Variants in DLG2 observed in about 807,000 individuals in gnomAD.
The protein encoded by DLG2 is discs large MAGUK scaffold protein 2.
In DLG2, 45 loss-of-function variants were observed where a neutral mutation model predicts 132.5. The observed-to-expected ratio is 0.34, with a 90% CI of 0.27 to 0.44. DLG2 has a LOEUF of 0.44. Among genes scored for constraint, DLG2 ranks in the 20% least tolerant of loss-of-function variants. The pLI is 1.00. For missense variants in DLG2, 1,045 were observed against 1,196.9 expected, an observed-to-expected ratio of 0.87 and a Z score of 1.87; for synonymous variants, 424 against 419.6, an observed-to-expected ratio of 1.01 and a Z score of -0.13.
At chr11:85,611,801 A>G (rs1292922864) in intron 2 of DLG2, among the ~76,000 whole-genome samples, 1 of 152,262 alleles carries the variant, frequency 6.6e-6, no homozygotes. Context: ...TCATGGAGTT[A>G]TTGCACTCAG....
chr11:84,267,061 A>G lies in DLG2; in HGVS notation c.520-15770T>C, dbSNP rs542647209. On this transcript the variant is annotated intron_variant, in intron 7 of 27. Coordinates refer to ENST00000376104, the MANE Select transcript of DLG2 (RefSeq NM_001142699.3). ...AGAGAAATAGGGACAAAGTCCCATG[A>G]CAGGCATGAAGAAAGGCAGGTGGGA... Among the ~76,000 whole-genome samples, 22 of 152,330 alleles carry G rather than the reference A, an allele frequency of 1.4e-4. No individual in the cohort carries two copies. In the East Asian group the frequency reaches 3.5e-3, roughly 24 times the overall value.
At chr11:83,475,514 G>A (rs1412332899) in intron 22 of DLG2, among the ~76,000 whole-genome samples, 1 of 147,818 alleles carries the variant, frequency 6.8e-6, no homozygotes, top group Admixed American at 6.7e-5. Flanking sequence ...CAACTCTTGT[G>A]GAGTATATTG....
chr11:85,028,565 AG>A (rs1222470488), intron 6 of DLG2, among the ~76,000 whole-genome samples: 2 of 151,850 alleles, frequency 1.3e-5, no homozygotes, highest in African/African-American at 2.4e-5. Flanking sequence ...CAAAGTCCAG[AG>A]GGGGGGCTGA....
At chr11:85,065,770 T>C (rs2064822822) in intron 6 of DLG2, among the ~76,000 whole-genome samples, 1 of 150,384 alleles carries the variant, frequency 6.6e-6, no homozygotes, top group Non-Finnish European at 1.5e-5. Flanking sequence ...ATTAAAGAAA[T>C]AAAAATAGAG....
chr11:83,493,113 T>TTTTCCTTGAATCCTTAAATTCAAGA (rs1170292457), intron 21 of DLG2, among the ~76,000 whole-genome samples: 1 of 152,096 alleles, frequency 6.6e-6, no homozygotes, highest in Non-Finnish European at 1.5e-5. Flanking sequence ...GCCTTGTTGC[T>TTTTCCTTGAATCCTTAAATTCAAGA]TTTCCTTGAA....
chr11:84,230,994 G>A (rs2097084893), intron 8 of DLG2, among the ~76,000 whole-genome samples: 2 of 152,192 alleles, frequency 1.3e-5, no homozygotes, highest in African/African-American at 4.8e-5. Flanking sequence ...AATATACATT[G>A]TCTTCTTCTC....
chr11:84,149,626 A>T (rs1431169197), intron 9 of DLG2, among the ~76,000 whole-genome samples: 1 of 152,050 alleles, frequency 6.6e-6, no homozygotes, highest in African/African-American at 2.4e-5. Flanking sequence ...TAGCCTTGTA[A>T]TGTAGTTGAA....
At chr11:84,603,561 G>A (rs1180314487) in intron 6 of DLG2, among the ~76,000 whole-genome samples, 2 of 151,868 alleles carry the variant, frequency 1.3e-5, no homozygotes, top group African/African-American at 4.8e-5. Flanking sequence ...ACAATTCTTA[G>A]GGGTCAACAA....
intron 3 of DLG2, chr11:85,452,565 A>C (rs2092284710): frequency 1.5e-5 from 3 of 200,918 alleles, no homozygotes; most frequent in South Asian, 2.3e-4. Context: ...CAACACCATA[A>C]CTAGAATGTA....
chr11:84,816,589 T>C (rs1165866850), intron 6 of DLG2, among the ~76,000 whole-genome samples: 1 of 151,958 alleles, frequency 6.6e-6, no homozygotes, highest in Non-Finnish European at 1.5e-5. Flanking sequence ...ACTATGTACC[T>C]TATATACAGA....
intron 6 of DLG2, among the ~76,000 whole-genome samples, chr11:84,550,472 G>A (rs2099399711): frequency 6.6e-6 from 1 of 152,208 alleles, no homozygotes; most frequent in South Asian, 2.1e-4. Flanking sequence ...CACAGGTGCT[G>A]AAATTGCCTT....
chr11:83,918,456 T>C (rs1336655295), intron 15 of DLG2, among the ~76,000 whole-genome samples: 1 of 152,180 alleles, frequency 6.6e-6, no homozygotes. Flanking sequence ...TTCAGGGTTT[T>C]AAAAGGTATA....
intron 18 of DLG2, among the ~76,000 whole-genome samples, chr11:83,711,510 GC>G (rs1203084680): frequency 7.1e-6 from 1 of 141,314 alleles, no homozygotes. Flanking sequence ...TGGGAACCCT[GC>G]AAGTTTGCTG....
At chr11:84,416,637 T>G (rs2098930801) in intron 7 of DLG2, among the ~76,000 whole-genome samples, 4 of 152,352 alleles carry the variant, frequency 2.6e-5, no homozygotes, top group African/African-American at 9.6e-5. Flanking sequence ...ATCACTTAAC[T>G]GTGTGATCTT....
chr11:84,067,100 C>T (rs1308811159), intron 10 of DLG2, among the ~76,000 whole-genome samples: 3 of 151,790 alleles, frequency 2.0e-5, no homozygotes, highest in Admixed American at 1.3e-4. Flanking sequence ...TTTGGGAGGC[C>T]GAGGTGGGAG....
At chr11:84,647,721 T>C (rs1404703435) in intron 6 of DLG2, among the ~76,000 whole-genome samples, 2 of 152,196 alleles carry the variant, frequency 1.3e-5, no homozygotes, top group Non-Finnish European at 1.5e-5. Context: ...TGTGACACAG[T>C]TGGTTCAGTA....
At position 84,030,361 on chromosome 11, in the gene DLG2, C is replaced by T. The variant is rs1218953856; in HGVS notation, c.919+28954G>A. ...CCTATTGGTTAGAGTTTTTGAATAA[C>T]TCCCCCAATTTTCCCATATTCAAAA... On this transcript the variant is annotated intron_variant, in intron 11 of 27. Coordinates refer to ENST00000376104, the MANE Select transcript of DLG2 (RefSeq NM_001142699.3). 2.0e-5 allele frequency among the ~76,000 whole-genome samples: 3 copies of T among 152,146 alleles called. 1 individual carries two copies.
chr11:85,443,873 A>G (rs2091894286), intron 3 of DLG2, among the ~76,000 whole-genome samples: 1 of 152,216 alleles, frequency 6.6e-6, no homozygotes, highest in Admixed American at 6.5e-5. Flanking sequence ...GAATCATTAC[A>G]AGAACAACAA....
At chr11:84,888,656 T>A (rs907419161) in intron 6 of DLG2, among the ~76,000 whole-genome samples, 1 of 142,402 alleles carries the variant, frequency 7.0e-6, no homozygotes, top group Admixed American at 6.9e-5. Context: ...ACTTTTAAAC[T>A]CATTTGCATC....
Sources: allele counts gnomAD v4.1 joint callset (sites outside exome capture counted in the v4.1 genomes callset), GRCh38; gene constraint gnomAD v4.1.1; transcripts MANE v1.5; gene names NCBI Gene and HGNC (gene_info 2026-07-23, HGNC 2026-07-21).